SMOC2: variants seen among roughly 807,000 people sequenced by gnomAD.
SMOC2 encodes SPARC related modular calcium binding 2.
A neutral mutation model predicts 61.4 loss-of-function variants in SMOC2; 39 were observed. That is an observed-to-expected ratio of 0.64 (90% CI 0.49 to 0.83). The LOEUF is 0.83. Among genes scored for constraint, SMOC2 ranks in the 40% least tolerant of loss-of-function variants. The pLI, the probability that SMOC2 is intolerant of heterozygous loss-of-function variation, is 0.00. For synonymous variants in SMOC2, 247 were observed against 239.9 expected (o/e 1.03, Z -0.27); for missense variants, 556 against 592.9 (o/e 0.94, Z 0.65).
chr6:168,657,546 G>A (rs1200698136), intron 11 of SMOC2, among the ~76,000 whole-genome samples: 1 of 152,152 alleles, frequency 6.6e-6, no homozygotes, highest in African/African-American at 2.4e-5. Flanking sequence ...TGGGTTTCCT[G>A]AGCACTTCTC....
intron 7 of SMOC2, among the ~76,000 whole-genome samples, chr6:168,560,428 C>T (rs1361754059): frequency 1.3e-5 from 2 of 152,220 alleles, no homozygotes; most frequent in Non-Finnish European, 2.9e-5. Flanking sequence ...TCTTCAAGGT[C>T]ATATTTATTT....
At chr6:168,604,714 C>T (rs534857034) in intron 8 of SMOC2, among the ~76,000 whole-genome samples, 1 of 152,188 alleles carries the variant, frequency 6.6e-6, no homozygotes, top group Non-Finnish European at 1.5e-5. Flanking sequence ...ATTGCATCGT[C>T]TTTGATATGT....
At chr6:168,471,645 A>G (rs926775147) in intron 1 of SMOC2, among the ~76,000 whole-genome samples, 2 of 152,152 alleles carry the variant, frequency 1.3e-5, no homozygotes, top group Non-Finnish European at 2.9e-5. Context: ...CATAGTGCCT[A>G]TATCATTTTA....
chr6:168,514,882 G>T (rs934521302), intron 2 of SMOC2, among the ~76,000 whole-genome samples: 16 of 152,166 alleles, frequency 1.1e-4, no homozygotes, highest in Non-Finnish European at 1.9e-4. Flanking sequence ...AGGGAGGATG[G>T]TTGGTCCATC....
intron 9 of SMOC2, among the ~76,000 whole-genome samples, chr6:168,621,770 C>A (rs1413980641): frequency 6.6e-6 from 1 of 152,074 alleles, no homozygotes; most frequent in East Asian, 1.9e-4. Flanking sequence ...GGAAAACCAC[C>A]CCCATGGTCC....
chr6:168,664,472 C>G (rs748300547), intron 12 of SMOC2: 20 of 412,528 alleles, frequency 4.8e-5, no homozygotes, highest in Non-Finnish European at 8.7e-5. Context: ...CAGGCTCAAG[C>G]AATCCACCTG....
At chr6:168,597,506 T>C (rs1431951775) in intron 7 of SMOC2, among the ~76,000 whole-genome samples, 1 of 152,222 alleles carries the variant, frequency 6.6e-6, no homozygotes, top group Non-Finnish European at 1.5e-5. Context: ...AACAATCCTT[T>C]CTGCTGGGCT....
intron 11 of SMOC2, 131 bp from the exon 12 acceptor site, chr6:168,663,943 T>C: frequency 2.8e-6 from 2 of 709,898 alleles, no homozygotes; most frequent in South Asian, 1.9e-5. Context: ...GTGGTTTTTT[T>C]CATATAAATG....
At chr6:168,444,800 A>G (rs971035443) in intron 1 of SMOC2, among the ~76,000 whole-genome samples, 1 of 152,144 alleles carries the variant, frequency 6.6e-6, no homozygotes, top group Non-Finnish European at 1.5e-5. Flanking sequence ...CAACTTTATC[A>G]TGGTTGTCAT....
Position 168,441,358 on chromosome 6 carries a change from C to G in SMOC2, c.-13C>G. The G allele has an allele frequency of 1.3e-6, 2 of 1,501,362 alleles. No individual in the cohort carries two copies. Among genetic ancestry groups the G allele is most frequent in the Non-Finnish European group, 1.8e-6 (2 of 1,131,506 alleles). 93.0% of individuals were successfully genotyped at this position (1,501,362 alleles called of 1,614,324 possible). On this transcript the variant is annotated 5_prime_UTR_variant, in exon 1 of 13. Transcript: ENST00000356284. ...GACGCGGCCGATCTCCCGCTCCCGCCACCTCCGCCACCATGCTGCTCCCCC... is the reference window on the plus strand; with the variant it reads ...GACGCGGCCGATCTCCCGCTCCCGCGACCTCCGCCACCATGCTGCTCCCCC...
At chr6:168,588,462 G>A (rs1785097084) in intron 7 of SMOC2, among the ~76,000 whole-genome samples, 2 of 151,842 alleles carry the variant, frequency 1.3e-5, no homozygotes, top group African/African-American at 4.9e-5. Context: ...TTCCCAGCCG[G>A]AGCCTCTTTT....
intron 11 of SMOC2, among the ~76,000 whole-genome samples, chr6:168,657,406 G>A (rs987625923): frequency 1.3e-5 from 2 of 152,190 alleles, no homozygotes; most frequent in African/African-American, 2.4e-5. Flanking sequence ...GGGCTCCTTC[G>A]CCCACACCAG....
chr6:168,610,857 T>G (rs1476922502), intron 9 of SMOC2, among the ~76,000 whole-genome samples: 1 of 152,216 alleles, frequency 6.6e-6, no homozygotes, highest in African/African-American at 2.4e-5. Flanking sequence ...CTTCTTTCAT[T>G]GTGTAGGTTT....
chr6:168,635,003 C>T (rs1016492501), intron 9 of SMOC2, among the ~76,000 whole-genome samples: 1 of 152,214 alleles, frequency 6.6e-6, no homozygotes. Flanking sequence ...GCCTGCATGT[C>T]TTCAAGGATG....
chr6:168,526,301 T>A (rs1583081064), intron 2 of SMOC2, 45 bp from the exon 3 acceptor site: 1 of 1,531,148 alleles, frequency 6.5e-7, no homozygotes, highest in East Asian at 2.2e-5. Context: ...TGTTCTATCT[T>A]CTTCCCATTG....
At position 168,453,328 on chromosome 6, in the gene SMOC2, C is replaced by G. The variant is rs1242101894; in HGVS notation, c.84+11874C>G. Among the ~76,000 whole-genome samples the G allele has an allele frequency of 6.6e-6, 1 of 152,168 alleles. No homozygotes were observed. Among genetic ancestry groups the G allele is most frequent in the Non-Finnish European group, 1.5e-5 (1 of 68,024 alleles). The stretch of plus-strand genomic sequence containing the variant: ...GCGGCCCTGTCATTTCGGGCTGTGC[C>G]TTTGTCTCCGGGTCTCCTCCTCACT... On this transcript the variant is annotated intron_variant, in intron 1 of 12. Coordinates refer to ENST00000356284, the MANE Select transcript of SMOC2 (RefSeq NM_001166412.2). This position sits in a 1 kb window ranked among gnomAD's most constrained non-coding sequence, Gnocchi z 4.4.
intron 7 of SMOC2, among the ~76,000 whole-genome samples, chr6:168,577,558 T>C (rs548010351): frequency 1.3e-5 from 2 of 152,316 alleles, no homozygotes; most frequent in South Asian, 2.1e-4. Context: ...TGGGAAATGC[T>C]TTATACACAT....
chr6:168,479,922 G>A (rs537434475), intron 1 of SMOC2, among the ~76,000 whole-genome samples: 2 of 152,166 alleles, frequency 1.3e-5, no homozygotes, highest in Non-Finnish European at 2.9e-5. Context: ...TTGGAAGCCA[G>A]ACATTAAAGA....
intron 1 of SMOC2, among the ~76,000 whole-genome samples, chr6:168,449,716 G>C (rs1190222788): frequency 6.6e-6 from 1 of 152,170 alleles, no homozygotes; most frequent in Non-Finnish European, 1.5e-5. Flanking sequence ...ATTCTGGGCT[G>C]TCCAGCTCCC....
Sources: gnomAD v4.1 joint callset for allele counts (sites outside exome capture counted in the v4.1 genomes callset) on GRCh38, gnomAD v4.1.1 for gene constraint, Gnocchi (gnomAD v3.1) non-coding constraint, MANE v1.5 for transcripts, NCBI Gene and HGNC (gene_info 2026-07-23, HGNC 2026-07-21) for gene names.